ARHGAP25: variants seen among roughly 807,000 people sequenced by gnomAD.
ARHGAP25 encodes the protein Rho GTPase activating protein 25.
In ARHGAP25, 34 loss-of-function variants were observed where a neutral mutation model predicts 71.0. That is an observed-to-expected ratio of 0.48 (90% confidence interval 0.36 to 0.64). The LOEUF (loss-of-function observed/expected upper bound fraction) is 0.64. ARHGAP25 is among the 30% of genes least tolerant of loss of function. ARHGAP25 has a pLI of 0.00. For synonymous variants in ARHGAP25, 282 were observed against 296.5 expected, an observed-to-expected ratio of 0.95 and a Z score of 0.50; for missense variants, 706 against 805.1, an observed-to-expected ratio of 0.88 and a Z score of 1.49.
chr2:68,726,632 G>A (rs978776443), intron 2 of ARHGAP25, among the ~76,000 whole-genome samples: 10 of 152,082 alleles, frequency 6.6e-5, no homozygotes, highest in South Asian at 2.1e-4. Context: ...TTTGGCTATG[G>A]GACACTTAGA....
At chr2:68,793,829 A>G (rs1281024590) in intron 4 of ARHGAP25, among the ~76,000 whole-genome samples, 2 of 152,034 alleles carry the variant, frequency 1.3e-5, no homozygotes, top group Non-Finnish European at 2.9e-5. Context: ...TGGTATTTTG[A>G]TAGAAATTGC....
At chr2:68,815,455 T>C (rs1681139352) in intron 6 of ARHGAP25, among the ~76,000 whole-genome samples, 3 of 143,528 alleles carry the variant, frequency 2.1e-5, no homozygotes, top group Admixed American at 1.4e-4. Flanking sequence ...TTTTTTTTTT[T>C]TTTTTTTTTT....
rs1387190698 is a variant in ARHGAP25 at position 68,782,236 on chromosome 2, T to C, written c.265T>C (p.Cys89Arg). 5 of 1,614,074 alleles carry C rather than the reference T, an allele frequency of 3.1e-6. No individual in the cohort carries two copies. In the South Asian group the frequency reaches 5.5e-5, roughly 18 times the overall value. Residue 89 changes from cysteine (C) to arginine (R), a missense_variant, in exon 3 of 11, where the codon TGC becomes CGC. Transcript: ENST00000409202. ...KDEEDTKPQGCMYLPGCTIKE... is the reference protein window; with the variant it reads ...KDEEDTKPQGRMYLPGCTIKE... Reference sequence around the variant, plus strand: ...GGCCTGACTTTTCATCTTTCAGGGCTGCATGTATCTACCAGGATGTACAAT... The same window carrying C: ...GGCCTGACTTTTCATCTTTCAGGGCCGCATGTATCTACCAGGATGTACAAT...
intron 6 of ARHGAP25, among the ~76,000 whole-genome samples, 182 bp downstream of exon 6, chr2:68,813,601 A>G (rs1249022060): frequency 6.6e-6 from 1 of 152,250 alleles, no homozygotes; most frequent in African/African-American, 2.4e-5. Context: ...CACAGCCTTC[A>G]TGAGATGCAA....
intron 1 of ARHGAP25, among the ~76,000 whole-genome samples, chr2:68,751,798 C>G (rs550837521): frequency 6.6e-6 from 1 of 152,352 alleles, no homozygotes; most frequent in South Asian, 2.1e-4. Flanking sequence ...CTGGTCTGGA[C>G]CAATCCAAGA....
chr2:68,781,275 A>C (rs1417127956), intron 2 of ARHGAP25, among the ~76,000 whole-genome samples: 2 of 152,196 alleles, frequency 1.3e-5, no homozygotes, highest in East Asian at 3.8e-4. Context: ...CTGTAGTGCC[A>C]GATACTCAAG....
At chr2:68,814,414 T>C (rs1681055557) in intron 6 of ARHGAP25, among the ~76,000 whole-genome samples, 1 of 152,228 alleles carries the variant, frequency 6.6e-6, no homozygotes, top group South Asian at 2.1e-4. Flanking sequence ...TTTTATTTAA[T>C]TTTGATTTAG....
chr2:68,794,228 ACCT>A (rs1679383836), intron 4 of ARHGAP25, among the ~76,000 whole-genome samples: 1 of 152,038 alleles, frequency 6.6e-6, no homozygotes, highest in African/African-American at 2.4e-5. Flanking sequence ...GGATAATTTG[ACCT>A]CCTCTTTTCC....
chr2:68,722,980 G>A (rs922514413), intron 2 of ARHGAP25, among the ~76,000 whole-genome samples: 1 of 152,198 alleles, frequency 6.6e-6, no homozygotes, highest in Non-Finnish European at 1.5e-5. Flanking sequence ...CCAGCAGAGG[G>A]CTCCCATCAC....
At chr2:68,787,332 G>A (rs1435422987) in intron 3 of ARHGAP25, among the ~76,000 whole-genome samples, 1 of 152,198 alleles carries the variant, frequency 6.6e-6, no homozygotes, top group East Asian at 1.9e-4. Flanking sequence ...GGCCAGGAGA[G>A]CAGAAATATG....
chr2:68,800,331 C>A (rs1440088759), intron 4 of ARHGAP25, among the ~76,000 whole-genome samples: 2 of 152,144 alleles, frequency 1.3e-5, no homozygotes, highest in Non-Finnish European at 2.9e-5. Flanking sequence ...GTTGCTCTTT[C>A]TATTTCCACT....
At chr2:68,768,482 C>T (rs897838662) in intron 1 of ARHGAP25, among the ~76,000 whole-genome samples, 1 of 152,154 alleles carries the variant, frequency 6.6e-6, no homozygotes, top group African/African-American at 2.4e-5. Context: ...GCTTCAATTG[C>T]CAGATGCTTT....
chr2:68,775,604 G>A, intron 2 of ARHGAP25, 184 bp downstream of exon 2: 1 of 974,530 alleles, frequency 1.0e-6, no homozygotes, highest in Non-Finnish European at 1.6e-6. Context: ...AGATGACAGA[G>A]TGGTCCTCCA....
chr2:68,710,872 T>C (rs1674464774), intron 2 of ARHGAP25, among the ~76,000 whole-genome samples: 1 of 152,144 alleles, frequency 6.6e-6, no homozygotes, highest in Non-Finnish European at 1.5e-5. Flanking sequence ...TGGCTTCAAC[T>C]CTCTAATAAA....
chr2:68,758,175 A>G (rs180996275), intron 1 of ARHGAP25, among the ~76,000 whole-genome samples: 10 of 152,174 alleles, frequency 6.6e-5, no homozygotes, highest in Admixed American at 5.9e-4. Context: ...AACACAAAAG[A>G]AGATAGTAAT....
rs1681807232 is a variant in ARHGAP25, at chr2:68,822,812, T to C, written c.1673T>C (p.Val558Ala). ...GAAATTGATTCTTTGCAGAGGATGG[T>C]CCAAGAGCTACGAAAGGAAATAGAA... Reference protein sequence around the residue: ...EEEIDSLQRMVQELRKEIETQ... With the variant: ...EEEIDSLQRMAQELRKEIETQ... Residue 558 changes from valine (V) to alanine (A), a missense_variant, in exon 10 of 11, where the codon GTC becomes GCC. Transcript: ENST00000409202. 2.5e-6 allele frequency: 4 copies of C among 1,613,748 alleles called. No homozygotes were observed. The highest frequency in any genetic ancestry group is 2.2e-5 in the South Asian group (2 of 91,050).
intron 1 of ARHGAP25, among the ~76,000 whole-genome samples, chr2:68,737,914 C>T (rs1182003918): frequency 6.6e-6 from 1 of 152,130 alleles, no homozygotes; most frequent in African/African-American, 2.4e-5. Flanking sequence ...GGGAGGGACT[C>T]TCCACTGTAC....
chr2:68,712,045 G>C (rs533689674), intron 2 of ARHGAP25, among the ~76,000 whole-genome samples: 1 of 152,168 alleles, frequency 6.6e-6, no homozygotes, highest in Admixed American at 6.5e-5. Flanking sequence ...TGGGAATCCT[G>C]GGTCAAATGG....
At chr2:68,824,741 C>CA (rs150303602) in intron 10 of ARHGAP25, among the ~76,000 whole-genome samples, 13,634 of 147,724 alleles carry the variant, frequency 0.092, 845 homozygotes, top group Non-Finnish European at 0.14. Context: ...GACTCCGTCT[C>CA]AAAAAAAACA....
Sources: allele counts gnomAD v4.1 joint callset (sites outside exome capture counted in the v4.1 genomes callset), GRCh38; gene constraint gnomAD v4.1.1; transcripts MANE v1.5; gene names NCBI Gene and HGNC (gene_info 2026-07-23, HGNC 2026-07-21).